The following DCBLD1 variants were observed in gnomAD, a reference collection of about 807,000 sequenced individuals.
DCBLD1 encodes the protein discoidin, CUB and LCCL domain containing 1, also known as discoidin, CUB and LCCL domain-containing protein 1.
In DCBLD1, 57 loss-of-function variants were observed where a neutral mutation model predicts 71.5. The observed-to-expected ratio is 0.80, with a 90% CI of 0.64 to 0.99. DCBLD1 has a LOEUF of 0.99. Among genes scored for constraint, DCBLD1 ranks in the 50% least tolerant of loss-of-function variants. The probability of loss-of-function intolerance (pLI) is 0.00; values close to 1 mark genes in which losing one functional copy is unlikely to be tolerated. For missense variants in DCBLD1, 891 were observed against 923.5 expected, an observed-to-expected ratio of 0.96 and a Z score of 0.46; for synonymous variants, 380 against 363.8, an observed-to-expected ratio of 1.04 and a Z score of -0.51.
intron 2 of DCBLD1, among the ~76,000 whole-genome samples, chr6:117,518,373 A>G (rs1778275092): frequency 6.6e-6 from 1 of 152,210 alleles, no homozygotes; most frequent in African/African-American, 2.4e-5. Flanking sequence ...ACCTCTAGGA[A>G]GTTCCAAACT....
intron 9 of DCBLD1, chr6:117,540,463 A>G (rs554203914): frequency 2.4e-5 from 13 of 552,548 alleles, no homozygotes; most frequent in Non-Finnish European, 4.1e-5. Context: ...AATTTAAATC[A>G]GTAAACAGTT....
intron 7 of DCBLD1, 95 bp from the exon 8 acceptor site, chr6:117,538,525 T>C: frequency 8.6e-7 from 1 of 1,156,142 alleles, no homozygotes; most frequent in East Asian, 2.4e-5. Context: ...AAAAGTCAAC[T>C]AGTTGAATAT....
chr6:117,562,571 A>AACTTTTTTT (rs1260208292), intron 14 of DCBLD1: 1 of 202,992 alleles, frequency 4.9e-6, no homozygotes, highest in African/African-American at 2.3e-5. Flanking sequence ...TAAAAAACAA[A>AACTTTTTTT]AAAAGTAAAA....
intron 14 of DCBLD1, among the ~76,000 whole-genome samples, chr6:117,557,625 G>C (rs191345235): frequency 6.6e-6 from 1 of 152,014 alleles, no homozygotes; most frequent in Admixed American, 6.6e-5. Flanking sequence ...TTAGCCAGGC[G>C]TGGTGGCACG....
intron 5 of DCBLD1, among the ~76,000 whole-genome samples, chr6:117,531,691 C>G (rs1295672699): frequency 6.6e-6 from 1 of 152,208 alleles, no homozygotes; most frequent in African/African-American, 2.4e-5. Flanking sequence ...ATTTAATGTT[C>G]TGTGGCTGTC....
chr6:117,538,724 C>G lies in DCBLD1; in HGVS notation c.865C>G (p.Gln289Glu). The change falls in exon 8 of 15, where the codon CAA (glutamine) becomes GAA (glutamate). Residue 289 changes from glutamine (Q) to glutamate (E), a missense_variant. Gln to Glu is a conservative substitution (Grantham distance 29). Transcript: ENST00000338728. ...AGACCAAGTTCACTGGTCTCCTGGC[C>G]AAGCCCGACTTCAGGACCAAGGCCC... ...SGDQVHWSPG[Q>E]ARLQDQGPSW... 6.2e-7 allele frequency: 1 copy of G among 1,614,152 alleles called. No individual in the cohort carries two copies. Among genetic ancestry groups the G allele is most frequent in the Non-Finnish European group, 8.5e-7 (1 of 1,180,036 alleles).
At chr6:117,566,777 G>T in intron 14 of DCBLD1, 1 of 910,254 alleles carries the variant, frequency 1.1e-6, no homozygotes, top group South Asian at 2.3e-5. Context: ...TTTTACTGAA[G>T]AAATTCTGAG....
At chr6:117,485,536 A>G (rs1777055501) in intron 1 of DCBLD1, among the ~76,000 whole-genome samples, 1 of 152,202 alleles carries the variant, frequency 6.6e-6, no homozygotes, top group South Asian at 2.1e-4. Flanking sequence ...CACCTTCTGT[A>G]CCAGTGTGTG....
At chr6:117,482,989 C>T (rs112633012) in intron 1 of DCBLD1, 96 bp downstream of exon 1, 16,195 of 744,100 alleles carry the variant, frequency 0.022, 350 homozygotes, top group African/African-American at 0.13. Context: ...GGCTACGGGG[C>T]GGGCCGGGCC....
intron 14 of DCBLD1, among the ~76,000 whole-genome samples, chr6:117,565,503 T>G (rs1163519115): frequency 6.6e-6 from 1 of 152,200 alleles, no homozygotes; most frequent in African/African-American, 2.4e-5. Flanking sequence ...CATGCAAAAT[T>G]TTATAACTTC....
In DCBLD1 at chr6:117,548,289, C is replaced by A. The variant is rs898386977; in HGVS notation, c.1998C>A (p.Asp666Glu). The A allele has an allele frequency of 3.9e-6, 6 of 1,550,656 alleles. No individual in the cohort carries two copies. The highest frequency in any genetic ancestry group is 5.2e-6 in the Non-Finnish European group (6 of 1,146,994). ...CACAGCCTGCGGACAGGGGCTACGA[C>A]CGGCCCAAAGCTGTCAGCGCCCTCG... ...HSAQPADRGY[D>E]RPKAVSALAT... is the part of the protein sequence containing the mutation. The change falls in exon 15 of 15, where the codon GAC becomes GAA. Residue 666 changes from aspartate to glutamate, a missense_variant. Physicochemically the swap from Asp to Glu is conservative, Grantham distance 45. Coordinates refer to ENST00000338728, the MANE Select transcript of DCBLD1 (RefSeq NM_001366458.2).
At chr6:117,509,308 C>G (rs755245562) in intron 2 of DCBLD1, among the ~76,000 whole-genome samples, 2 of 152,032 alleles carry the variant, frequency 1.3e-5, no homozygotes, top group South Asian at 4.2e-4. Context: ...GATACATGCC[C>G]GTAGTCCCAG....
At chr6:117,542,504 C>A (rs147017737) in intron 11 of DCBLD1, among the ~76,000 whole-genome samples, 91 of 152,192 alleles carry the variant, frequency 6.0e-4, no homozygotes, top group Non-Finnish European at 1.1e-3. Flanking sequence ...AAACTTGGGG[C>A]CTGCCTTGGT....
intron 2 of DCBLD1, among the ~76,000 whole-genome samples, chr6:117,512,169 T>C (rs1039956594): frequency 6.6e-6 from 1 of 152,242 alleles, no homozygotes; most frequent in Admixed American, 6.5e-5. Context: ...CCATCTTTCA[T>C]TGGGAGAGAA....
intron 6 of DCBLD1, among the ~76,000 whole-genome samples, chr6:117,535,242 G>A (rs1778846045): frequency 6.6e-6 from 1 of 152,166 alleles, no homozygotes; most frequent in South Asian, 2.1e-4. Context: ...TCATTTCCTT[G>A]ATTTGAAGAG....
At chr6:117,525,479 A>C (rs1443558974) in intron 5 of DCBLD1, 45 bp downstream of exon 5, 6 of 1,371,284 alleles carry the variant, frequency 4.4e-6, no homozygotes, top group Non-Finnish European at 5.8e-6. Context: ...AAAAGGAGTA[A>C]GTGCTTTACT....
intron 11 of DCBLD1, among the ~76,000 whole-genome samples, chr6:117,542,025 G>A (rs559718485): frequency 2.0e-4 from 30 of 152,230 alleles, no homozygotes; most frequent in African/African-American, 6.0e-4. Context: ...GGGCACATTG[G>A]CTCATGCCTG....
chr6:117,495,711 C>A (rs555940259), intron 1 of DCBLD1, among the ~76,000 whole-genome samples: 1 of 152,314 alleles, frequency 6.6e-6, no homozygotes, highest in African/African-American at 2.4e-5. Flanking sequence ...TTCTAATAAT[C>A]TTTTGCTTTT....
chr6:117,521,608 C>T (rs755270015), intron 4 of DCBLD1, 32 bp downstream of exon 4: 7 of 1,529,402 alleles, frequency 4.6e-6, no homozygotes, highest in Admixed American at 2.4e-5. Flanking sequence ...GTGTTGCAGT[C>T]GTGTATTGCT....
Sources: gnomAD v4.1 joint callset for allele counts (sites outside exome capture counted in the v4.1 genomes callset) on GRCh38, gnomAD v4.1.1 for gene constraint, MANE v1.5 for transcripts, NCBI Gene and HGNC (gene_info 2026-07-23, HGNC 2026-07-21) for gene names.